The following PEX5L variants were observed in gnomAD, a reference collection of about 807,000 sequenced individuals.
PEX5L encodes PEX5-related protein.
A neutral mutation model predicts 84.0 loss-of-function variants in PEX5L; 30 were observed. The observed-to-expected ratio is 0.36, with a 90% CI of 0.27 to 0.48. The LOEUF (loss-of-function observed/expected upper bound fraction) is 0.48. PEX5L is among the 20% of genes least tolerant of loss of function. The pLI, the probability that PEX5L is intolerant of heterozygous loss-of-function variation, is 0.99. For missense variants in PEX5L, 533 were observed against 754.6 expected (o/e 0.71, Z 3.44); for synonymous variants, 270 against 283.1 (o/e 0.95, Z 0.46).
intron 1 of PEX5L, among the ~76,000 whole-genome samples, chr3:179,997,416 C>T (rs530685243): frequency 6.6e-6 from 1 of 152,186 alleles, no homozygotes; most frequent in Non-Finnish European, 1.5e-5. Context: ...TTGGCATAGA[C>T]ATGCTTAGCT....
chr3:179,821,364 C>T (rs191805283), intron 8 of PEX5L, among the ~76,000 whole-genome samples: 3 of 152,242 alleles, frequency 2.0e-5, no homozygotes, highest in African/African-American at 7.2e-5. Context: ...GTTGATATAC[C>T]ATCACACTGA....
intron 8 of PEX5L, among the ~76,000 whole-genome samples, chr3:179,820,861 CAG>C (rs1326198295): frequency 6.6e-6 from 1 of 152,112 alleles, no homozygotes; most frequent in African/African-American, 2.4e-5. Context: ...TTAAGAGAGA[CAG>C]AATTTTCCAG....
intron 2 of PEX5L, among the ~76,000 whole-genome samples, chr3:179,960,144 C>T (rs768998388): frequency 6.6e-6 from 1 of 152,172 alleles, no homozygotes; most frequent in South Asian, 2.1e-4. Context: ...TGTTCTCTTA[C>T]CATTTGGATT....
At chr3:179,955,501 A>G (rs921342604) in intron 2 of PEX5L, among the ~76,000 whole-genome samples, 1 of 145,294 alleles carries the variant, frequency 6.9e-6, no homozygotes, top group African/African-American at 2.5e-5. Context: ...TTTTTTTTCA[A>G]AAAGAAGGCA....
intron 2 of PEX5L, among the ~76,000 whole-genome samples, chr3:179,948,663 GGT>G (rs111423550): frequency 6.6e-6 from 1 of 152,066 alleles, no homozygotes; most frequent in Non-Finnish European, 1.5e-5. Context: ...AAACTGGGTA[GGT>G]GCATACTGTA....
At chr3:179,948,188 G>C (rs13096827) in intron 2 of PEX5L, among the ~76,000 whole-genome samples, 19,047 of 152,112 alleles carry the variant, frequency 0.13, 1,644 homozygotes, top group Non-Finnish European at 0.19. Context: ...ATAATTCATA[G>C]CAAAGGGCCT....
chr3:179,888,031 C>T (rs1412330294), intron 3 of PEX5L: 3 of 891,060 alleles, frequency 3.4e-6, no homozygotes, highest in Non-Finnish European at 5.1e-6. Context: ...TTCCTCCCCC[C>T]TCCTGAAATA....
intron 1 of PEX5L, among the ~76,000 whole-genome samples, chr3:179,997,680 G>T (rs1362449423): frequency 6.6e-6 from 1 of 152,226 alleles, no homozygotes; most frequent in East Asian, 1.9e-4. Context: ...CTTAGAGAAT[G>T]ACAGTGGATT....
At chr3:179,997,896 A>G (rs1788040729) in intron 1 of PEX5L, among the ~76,000 whole-genome samples, 1 of 152,202 alleles carries the variant, frequency 6.6e-6, no homozygotes, top group African/African-American at 2.4e-5. Flanking sequence ...TTATTGTCCT[A>G]CCTCAGGGGT....
chr3:180,001,615 T>C (rs1788425041), intron 1 of PEX5L, among the ~76,000 whole-genome samples: 1 of 152,094 alleles, frequency 6.6e-6, no homozygotes, highest in Non-Finnish European at 1.5e-5. Flanking sequence ...TTATTTTTCA[T>C]TGTGCTTTCA....
intron 1 of PEX5L, 138 bp from the exon 2 acceptor site, chr3:179,971,803 GT>G: frequency 1.2e-6 from 1 of 825,830 alleles, no homozygotes; most frequent in Non-Finnish European, 1.7e-6. Context: ...AATTGCTCAT[GT>G]ACAACAGCAA....
chr3:180,034,247 CTT>C (rs1791700686), intron 1 of PEX5L, among the ~76,000 whole-genome samples: 1 of 152,154 alleles, frequency 6.6e-6, no homozygotes, highest in South Asian at 2.1e-4. Flanking sequence ...CTGTTTCACT[CTT>C]GTTTTAAGGT....
intron 2 of PEX5L, among the ~76,000 whole-genome samples, chr3:179,907,449 A>T (rs932506189): frequency 2.0e-5 from 3 of 151,918 alleles, no homozygotes; most frequent in Non-Finnish European, 4.4e-5. Context: ...AGTAGCTATG[A>T]CTACAGGTGT....
chr3:179,950,267 A>C (rs7613801), intron 2 of PEX5L, among the ~76,000 whole-genome samples: 89,247 of 151,500 alleles, frequency 0.59, 27,410 homozygotes, highest in African/African-American at 0.77. Context: ...GGACAAAAAA[A>C]CAAACACCGC....
chr3:179,946,748 G>A (rs1013461544), intron 2 of PEX5L, among the ~76,000 whole-genome samples: 1 of 152,306 alleles, frequency 6.6e-6, no homozygotes, highest in African/African-American at 2.4e-5. Context: ...ATCTGTGACT[G>A]AGAACCAGGA....
chr3:179,908,417 C>T (rs901945311), intron 2 of PEX5L, among the ~76,000 whole-genome samples: 1 of 152,134 alleles, frequency 6.6e-6, no homozygotes, highest in African/African-American at 2.4e-5. Flanking sequence ...AGTTTCAATC[C>T]CAGCTCTGCC....
chr3:179,905,151 T>C (rs1005119341), intron 2 of PEX5L, among the ~76,000 whole-genome samples: 3 of 152,278 alleles, frequency 2.0e-5, no homozygotes, highest in Non-Finnish European at 2.9e-5. Context: ...GCAGAAAGCA[T>C]TGGCAAGTAA....
intron 1 of PEX5L, among the ~76,000 whole-genome samples, chr3:180,016,192 C>A (rs1246832917): frequency 6.6e-6 from 1 of 152,030 alleles, no homozygotes; most frequent in Non-Finnish European, 1.5e-5. Context: ...ATCTTATCTC[C>A]AGAAAAATGT....
intron 10 of PEX5L, among the ~76,000 whole-genome samples, chr3:179,813,934 C>T (rs1487530840): frequency 6.6e-6 from 1 of 151,676 alleles, no homozygotes; most frequent in Non-Finnish European, 1.5e-5. Flanking sequence ...CCTCGGCCTC[C>T]CAAAGTGCTG....
Sources: gnomAD v4.1 joint callset for allele counts (sites outside exome capture counted in the v4.1 genomes callset) on GRCh38, gnomAD v4.1.1 for gene constraint, MANE v1.5 for transcripts, NCBI Gene and HGNC (gene_info 2026-07-23, HGNC 2026-07-21) for gene names.